Variants in DYNC2LI1 observed in about 807,000 individuals in gnomAD.
The protein encoded by DYNC2LI1 is cytoplasmic dynein 2 light intermediate chain 1.
DYNC2LI1 carries 45 observed loss-of-function variants against 51.9 expected under a neutral mutation model. The observed-to-expected ratio is 0.87, with a 90% CI of 0.68 to 1.11. The LOEUF (loss-of-function observed/expected upper bound fraction) is 1.11. DYNC2LI1 is among the 50% of genes most tolerant of loss of function. The pLI is 0.00. For missense variants in DYNC2LI1, 490 were observed against 417.4 expected (o/e 1.17, Z -1.51); for synonymous variants, 130 against 137.8 (o/e 0.94, Z 0.40).
intron 5 of DYNC2LI1, 132 bp downstream of exon 5, chr2:43,789,853 C>A: frequency 3.1e-6 from 2 of 650,654 alleles, no homozygotes; most frequent in Admixed American, 3.2e-5. Context: ...CACTTCCTTT[C>A]TAAATGCCTA....
the DYNC2LI1 span, chr2:43,826,244 C>T: frequency 7.7e-7 from 1 of 1,301,990 alleles, no homozygotes; most frequent in Non-Finnish European, 1.1e-6. Context: ...AAGTGCTCCT[C>T]CTGCCTCAGC....
downstream of DYNC2LI1, among the ~76,000 whole-genome samples, chr2:43,812,237 T>TA (rs1666515639): frequency 6.6e-6 from 1 of 152,058 alleles, no homozygotes; most frequent in African/African-American, 2.4e-5. Flanking sequence ...TTTTTCTATA[T>TA]GGACTTTAAA....
the DYNC2LI1 span, chr2:43,828,257 G>A: frequency 2.8e-6 from 3 of 1,067,600 alleles, no homozygotes; most frequent in Admixed American, 2.0e-5. Flanking sequence ...CCTGGGGAAA[G>A]CATGTCTTTG....
At chr2:43,778,043 A>T (rs1000412756) in intron 2 of DYNC2LI1, among the ~76,000 whole-genome samples, 1 of 152,240 alleles carries the variant, frequency 6.6e-6, no homozygotes, top group Non-Finnish European at 1.5e-5. Flanking sequence ...TTTATTTTCC[A>T]GAGTTTTCAT....
At chr2:43,786,488 T>G (rs114071417) in intron 3 of DYNC2LI1, among the ~76,000 whole-genome samples, 2,286 of 152,156 alleles carry the variant, frequency 0.015, 33 homozygotes, top group Non-Finnish European at 0.018. Flanking sequence ...GGCCAAGTCT[T>G]GCATTGATGT....
chr2:43,822,373 C>G, the DYNC2LI1 span: 1 of 260,658 alleles, frequency 3.8e-6, no homozygotes, highest in Non-Finnish European at 6.0e-6. Flanking sequence ...CTTTCTACCT[C>G]CCTGATCACC....
chr2:43,786,786 A>G (rs1673539891), intron 3 of DYNC2LI1, among the ~76,000 whole-genome samples: 3 of 152,196 alleles, frequency 2.0e-5, no homozygotes, highest in Non-Finnish European at 2.9e-5. Context: ...AGATCGTGCC[A>G]CTGCACTCCA....
chr2:43,789,625 T>G lies in DYNC2LI1; in HGVS notation c.232-8T>G, dbSNP rs769397371. 6 of 1,611,896 alleles carry G rather than the reference T, an allele frequency of 3.7e-6. No homozygotes were observed. The South Asian group carries it at 6.6e-5, about 18-fold the overall frequency. On this transcript the variant is annotated splice_region_variant and splice_polypyrimidine_tract_variant and intron_variant, in intron 4 of 12. Transcript: ENST00000260605. ...AACTTCAAAAAATCAAAAATTTTTG[T>G]TTTTCAGCCAAAAGATATCGCTCAC...
At chr2:43,814,155 G>T (rs1441761854), downstream of DYNC2LI1, among the ~76,000 whole-genome samples, 7 of 152,254 alleles carry the variant, frequency 4.6e-5, no homozygotes, top group Admixed American at 3.3e-4. Context: ...AGCCACTTCA[G>T]CCTGCTTGAA....
At chr2:43,812,859 T>G, downstream of DYNC2LI1, 1 of 492,650 alleles carries the variant, frequency 2.0e-6, no homozygotes, top group Non-Finnish European at 3.7e-6. Flanking sequence ...ATGAATATTA[T>G]TTACATTCTT....
the DYNC2LI1 span, among the ~76,000 whole-genome samples, chr2:43,817,065 G>A: frequency 2.0e-5 from 3 of 152,232 alleles, no homozygotes; most frequent in South Asian, 2.1e-4. Flanking sequence ...GCAGGTTGAT[G>A]TGGCCTTTAA....
chr2:43,796,725 A>G lies in DYNC2LI1; in HGVS notation c.584A>G (p.Glu195Gly). 6.2e-7 allele frequency: 1 copy of G among 1,611,216 alleles called. No individual in the cohort carries two copies. The change falls in exon 8 of 13, where the codon GAG becomes GGG. Residue 195 changes from glutamate to glycine, a missense_variant. Coordinates refer to ENST00000260605, the MANE Select transcript of DYNC2LI1 (RefSeq NM_016008.4). ...AATAACATATTTCTACAGGATTTTG[A>G]GTCTGAGAAGAGAAAGGTAATATGC... ...GSKYDVFQDF[E>G]SEKRKVICKT...
At chr2:43,790,123 T>C (rs989287541) in intron 5 of DYNC2LI1, among the ~76,000 whole-genome samples, 1 of 152,200 alleles carries the variant, frequency 6.6e-6, no homozygotes, top group Non-Finnish European at 1.5e-5. Flanking sequence ...TACCTTTGAA[T>C]TTAGTGCTAA....
chr2:43,815,703 C>T, the DYNC2LI1 span, among the ~76,000 whole-genome samples: 4 of 151,992 alleles, frequency 2.6e-5, no homozygotes, highest in East Asian at 7.7e-4. Context: ...CTGACTGGAC[C>T]AGAAACACTG....
In DYNC2LI1 at chr2:43,804,647, C is replaced by T; in HGVS notation, c.808C>T (p.Pro270Ser). 6.3e-7 allele frequency: 1 copy of T among 1,598,334 alleles called. No homozygotes were observed. The highest frequency in any genetic ancestry group is 8.5e-7 in the Non-Finnish European group (1 of 1,173,428). ...GGTAAAACTTGCTATTTTAGGATCT[C>T]CTCCTGTTCCTGAAAATGACATTGG... ...GLDSFGQIGS[P>S]PVPENDIGKL... Residue 270 changes from proline to serine, a missense_variant, in exon 11 of 13, where the codon CCT becomes TCT. Pro to Ser is a moderately conservative substitution (Grantham distance 74). Coordinates refer to ENST00000260605, the MANE Select transcript of DYNC2LI1 (RefSeq NM_016008.4).
Position 43,805,254 on chromosome 2 carries a change from C to T in DYNC2LI1, c.993+8C>T, listed in dbSNP as rs199741454. 40 of 1,557,940 alleles carry T rather than the reference C, an allele frequency of 2.6e-5. No homozygotes were observed. The highest frequency in any genetic ancestry group is 3.1e-5 in the Non-Finnish European group (35 of 1,134,910). ...AGAATTCAGAAGGATCTGGTATTATCCTAAACATTTACTTAATTTCATCTG... is the reference window on the plus strand; with the variant it reads ...AGAATTCAGAAGGATCTGGTATTATTCTAAACATTTACTTAATTTCATCTG... On this transcript the variant is annotated splice_region_variant and intron_variant, in intron 12 of 12. Coordinates refer to ENST00000260605, the MANE Select transcript of DYNC2LI1 (RefSeq NM_016008.4).
chr2:43,810,962 C>T (rs1337112253), downstream of DYNC2LI1, among the ~76,000 whole-genome samples: 2 of 152,208 alleles, frequency 1.3e-5, no homozygotes, highest in African/African-American at 2.4e-5. Context: ...CAAACTGTCA[C>T]ATGTTGAAAG....
At chr2:43,825,502 GA>G in the DYNC2LI1 span, among the ~76,000 whole-genome samples, 19 of 152,198 alleles carry the variant, frequency 1.2e-4, no homozygotes, top group African/African-American at 4.1e-4. Context: ...TGATTTCGTG[GA>G]AAAACACAGC....
intron 12 of DYNC2LI1, chr2:43,805,489 T>G: frequency 4.2e-6 from 1 of 238,560 alleles, no homozygotes; most frequent in Non-Finnish European, 8.0e-6. Flanking sequence ...CAGACATGAC[T>G]TAGTGTTCAC....
Sources: allele counts gnomAD v4.1 joint callset (sites outside exome capture counted in the v4.1 genomes callset), GRCh38; gene constraint gnomAD v4.1.1; transcripts MANE v1.5; gene names NCBI Gene and HGNC (gene_info 2026-07-23, HGNC 2026-07-21).